The following OSBPL10 variants were observed in gnomAD, a reference collection of about 807,000 sequenced individuals.
OSBPL10 encodes oxysterol binding protein like 10.
OSBPL10 carries 49 observed loss-of-function variants against 81.7 expected under a neutral mutation model. The observed-to-expected ratio is 0.60, with a 90% CI of 0.48 to 0.76. The LOEUF (loss-of-function observed/expected upper bound fraction) is 0.76, where lower values mean the gene tolerates loss of function less well. Ranked by LOEUF, OSBPL10 falls within the 30% of genes least tolerant of loss-of-function variation. The pLI is 0.00. For synonymous variants in OSBPL10, 419 were observed against 383.6 expected (o/e 1.09, Z -1.08); for missense variants, 923 against 987.8 (o/e 0.93, Z 0.88).
chr3:31,798,022 T>C (rs1186461322), intron 4 of OSBPL10, among the ~76,000 whole-genome samples: 2 of 152,174 alleles, frequency 1.3e-5, no homozygotes, highest in Non-Finnish European at 2.9e-5. Flanking sequence ...TGCAAGGCTG[T>C]CTTAATATAT....
chr3:31,873,773 A>G (rs549457766), intron 3 of OSBPL10, among the ~76,000 whole-genome samples: 1 of 152,342 alleles, frequency 6.6e-6, no homozygotes, highest in South Asian at 2.1e-4. Context: ...GCAGTACTAT[A>G]GTTAACTAGA....
At chr3:31,889,165 G>A (rs540430414) in intron 1 of OSBPL10, among the ~76,000 whole-genome samples, 43 of 152,268 alleles carry the variant, frequency 2.8e-4, no homozygotes, top group African/African-American at 9.6e-4. Context: ...TGCTGGTGAA[G>A]ATACAAAGAA....
chr3:31,847,562 C>T (rs145632200), intron 3 of OSBPL10, among the ~76,000 whole-genome samples: 562 of 152,196 alleles, frequency 3.7e-3, no homozygotes, highest in Non-Finnish European at 6.3e-3. Flanking sequence ...AACTATTCAC[C>T]GGCATTACCC....
intron 1 of OSBPL10, among the ~76,000 whole-genome samples, chr3:31,946,383 TTTA>T (rs1218482028): frequency 1.4e-5 from 2 of 144,816 alleles, no homozygotes; most frequent in Non-Finnish European, 3.0e-5. Context: ...AATTAAGAAT[TTTA>T]TTAAGTTGTT....
At position 31,939,143 on chromosome 3, in the gene OSBPL10, C is replaced by CTTTTTTT. The variant is rs1559525545; in HGVS notation, c.281+41755_281+41756insAAAAAAA. On this transcript the variant is annotated intron_variant, in intron 1 of 11. Transcript: ENST00000396556. Reference sequence around the variant, plus strand: ...GTTTAATGTGCCAAGACTCTCTCATCCTTTTTTTTTTTTTTTTTTGAGACA... The same window carrying CTTTTTTT: ...GTTTAATGTGCCAAGACTCTCTCATCTTTTTTTCTTTTTTTTTTTTTTTTTTGAGACA... 4.0e-5 allele frequency among the ~76,000 whole-genome samples: 2 copies of CTTTTTTT among 49,700 alleles called. 1 individual carries two copies. The highest frequency in any genetic ancestry group is 9.2e-5 in the Non-Finnish European group (2 of 21,828). 32.6% of individuals were successfully genotyped at this position (49,700 alleles called of 152,430 possible). A position where few individuals can be genotyped will look rare whatever the true frequency, so the allele number is the denominator to read the frequency against.
At position 32,071,611 on chromosome 3, in the gene OSBPL10, C is replaced by A. The variant is rs140807121; in HGVS notation, n.185+5785G>T. On this transcript the variant is annotated intron_variant and non_coding_transcript_variant, in intron 1 of 3. Coordinates refer to the OSBPL10 transcript ENST00000479173. ...TCATGTCTCCATGCGGCGGCTGCCA[C>A]CACCCTAATACTTTTAGAGGCCCTC... Among the ~76,000 whole-genome samples, 945 of 152,308 alleles carry A rather than the reference C, an allele frequency of 6.2e-3. 5 individuals are homozygous for A. The highest frequency in any genetic ancestry group is 0.022 in the African/African-American group (901 of 41,548).
At chr3:31,952,695 T>C (rs186052714) in intron 1 of OSBPL10, among the ~76,000 whole-genome samples, 5 of 152,330 alleles carry the variant, frequency 3.3e-5, no homozygotes, top group Non-Finnish European at 1.5e-5. Context: ...GACTGACCTG[T>C]GTTAGAATGT....
At position 32,061,217 on chromosome 3, in the gene OSBPL10, T is replaced by C. The variant is rs1488197286; in HGVS notation, n.186-14614A>G. 4.4e-5 allele frequency among the ~76,000 whole-genome samples: 4 copies of C among 91,202 alleles called. 2 individuals carry two copies. The highest frequency in any genetic ancestry group is 1.2e-4 in the Non-Finnish European group (4 of 34,302). 59.8% of individuals were successfully genotyped at this position (91,202 alleles called of 152,430 possible). A position where few individuals can be genotyped will look rare whatever the true frequency, so the allele number is the denominator to read the frequency against. On this transcript the variant is annotated intron_variant and non_coding_transcript_variant, in intron 1 of 3. Coordinates refer to the OSBPL10 transcript ENST00000479173. ...CCCTGAGCACCCCACAGCTCCCCTC[T>C]CACCTTATTGTAACTCTTTGTTTAA...
At chr3:32,067,173 C>T (rs1699786836) in intron 1 of OSBPL10, among the ~76,000 whole-genome samples, 1 of 151,884 alleles carries the variant, frequency 6.6e-6, no homozygotes, top group Non-Finnish European at 1.5e-5. Context: ...GTTGAATTGC[C>T]AATTCAATGA....
chr3:32,036,059 A>AT (rs1216532195), intron 2 of OSBPL10, among the ~76,000 whole-genome samples: 5 of 152,094 alleles, frequency 3.3e-5, no homozygotes, highest in African/African-American at 7.2e-5. Context: ...ATTTAAAAAA[A>AT]TTTTTTTAGA....
intron 6 of OSBPL10, among the ~76,000 whole-genome samples, chr3:31,731,636 G>C (rs1364657787): frequency 6.6e-6 from 1 of 152,014 alleles, no homozygotes; most frequent in African/African-American, 2.4e-5. Context: ...TTACAGGCGT[G>C]TGCCACCACG....
chr3:32,003,851 A>G (rs555380216), intron 2 of OSBPL10, among the ~76,000 whole-genome samples: 1 of 152,278 alleles, frequency 6.6e-6, no homozygotes, highest in South Asian at 2.1e-4. Context: ...AAAAGGGAGA[A>G]CAGTGGATTT....
At chr3:31,678,640 T>C (rs999389559) in intron 8 of OSBPL10, among the ~76,000 whole-genome samples, 7 of 152,298 alleles carry the variant, frequency 4.6e-5, no homozygotes, top group Admixed American at 3.9e-4. Context: ...TGGGAGGTAT[T>C]GACCCTCTAC....
intron 2 of OSBPL10, among the ~76,000 whole-genome samples, chr3:31,877,481 G>A (rs1701506118): frequency 6.6e-6 from 1 of 151,742 alleles, no homozygotes; most frequent in South Asian, 2.1e-4. Flanking sequence ...AAATATCATG[G>A]GCACACAACA....
chr3:31,671,098 CACCTCTGCAGAGGTGA>C, intron 8 of OSBPL10, 115 bp from the exon 9 acceptor site: 1 of 1,023,022 alleles, frequency 9.8e-7, no homozygotes, highest in Non-Finnish European at 1.4e-6. Flanking sequence ...TCACATCTCC[CACCTCTGCAGAGGTGA>C]GCTGCTCGTT....
intron 1 of OSBPL10, among the ~76,000 whole-genome samples, chr3:31,930,930 C>T (rs182776496): frequency 3.5e-5 from 5 of 141,826 alleles, no homozygotes; most frequent in South Asian, 4.5e-4. Context: ...AGGAGAATGG[C>T]GTGAACCCAG....
At chr3:31,921,603 T>G (rs760054870) in intron 1 of OSBPL10, among the ~76,000 whole-genome samples, 2 of 152,142 alleles carry the variant, frequency 1.3e-5, no homozygotes, top group African/African-American at 4.8e-5. Context: ...CATACTGATA[T>G]GAATAATGAT....
chr3:31,881,361 CTG>C (rs1695573513), intron 1 of OSBPL10, among the ~76,000 whole-genome samples: 2 of 152,220 alleles, frequency 1.3e-5, no homozygotes, highest in Admixed American at 6.5e-5. Flanking sequence ...ATACAGTGAA[CTG>C]ATAGAGGCAA....
At chr3:32,033,397 T>C (rs568343200) in intron 2 of OSBPL10, among the ~76,000 whole-genome samples, 6 of 152,288 alleles carry the variant, frequency 3.9e-5, no homozygotes, top group South Asian at 4.1e-4. Flanking sequence ...AATTATAAAG[T>C]AGCTGGCACC....
Sources: gnomAD v4.1 joint callset for allele counts (sites outside exome capture counted in the v4.1 genomes callset) on GRCh38, gnomAD v4.1.1 for gene constraint, MANE v1.5 for transcripts, NCBI Gene and HGNC (gene_info 2026-07-23, HGNC 2026-07-21) for gene names.